Variants in TMEM74 observed in about 807,000 individuals in gnomAD.
TMEM74 encodes transmembrane protein 74.
Under a neutral mutation model 18.1 loss-of-function variants are expected in TMEM74, and 13 were observed. The ratio of observed to expected loss-of-function variants is 0.72; its 90% CI spans 0.47 to 1.14. The LOEUF (loss-of-function observed/expected upper bound fraction) is 1.14. TMEM74 is among the 50% of genes most tolerant of loss of function. The probability of loss-of-function intolerance (pLI) is 0.00; values close to 1 mark genes in which losing one functional copy is unlikely to be tolerated. For missense variants in TMEM74, 372 were observed against 375.9 expected (o/e 0.99, Z 0.09); for synonymous variants, 159 against 146.6 (o/e 1.08, Z -0.61).
chr8:108,691,605 T>C (rs1284445646), intron 1 of TMEM74, among the ~76,000 whole-genome samples: 2 of 152,046 alleles, frequency 1.3e-5, no homozygotes, highest in African/African-American at 2.4e-5. Flanking sequence ...CTACTGAGAG[T>C]GATGCAATAA....
chr8:108,768,222 T>TA (rs1814131832), intron 1 of TMEM74, among the ~76,000 whole-genome samples: 1 of 152,172 alleles, frequency 6.6e-6, no homozygotes, highest in South Asian at 2.1e-4. Flanking sequence ...GGCTAGTGAC[T>TA]AATAATTCAA....
chr8:108,762,691 T>C (rs2130663604), intron 1 of TMEM74, among the ~76,000 whole-genome samples: 1 of 152,258 alleles, frequency 6.6e-6, no homozygotes, highest in East Asian at 1.9e-4. Flanking sequence ...TTAATTCGAA[T>C]GGTACTCTTA....
downstream of TMEM74, among the ~76,000 whole-genome samples, chr8:108,778,362 AG>A (rs1193255005): frequency 6.6e-6 from 1 of 152,198 alleles, no homozygotes; most frequent in African/African-American, 2.4e-5. Flanking sequence ...ACATGTAAAA[AG>A]GTGGCTGCAT....
At chr8:108,664,590 G>A (rs1390448001) in intron 1 of TMEM74, among the ~76,000 whole-genome samples, 3 of 152,026 alleles carry the variant, frequency 2.0e-5, no homozygotes, top group Non-Finnish European at 2.9e-5. Context: ...AACAGGGAAC[G>A]TTTAACTTTA....
At chr8:108,747,568 T>G (rs1048175515) in intron 1 of TMEM74, among the ~76,000 whole-genome samples, 1 of 151,982 alleles carries the variant, frequency 6.6e-6, no homozygotes, top group African/African-American at 2.4e-5. Flanking sequence ...TTTTTTAAAT[T>G]GGCAACTTTT....
At chr8:108,657,880 A>AAT (rs1563742314) in intron 1 of TMEM74, among the ~76,000 whole-genome samples, 1 of 103,602 alleles carries the variant, frequency 9.7e-6, no homozygotes, top group Non-Finnish European at 1.9e-5. Flanking sequence ...ATATATATAT[A>AAT]TATATATATA....
chr8:108,689,181 T>C (rs1350605605), intron 1 of TMEM74, among the ~76,000 whole-genome samples: 1 of 152,164 alleles, frequency 6.6e-6, no homozygotes, highest in South Asian at 2.1e-4. Flanking sequence ...TTGGAAAAAA[T>C]TAAACTTCTG....
chr8:108,737,774 C>T (rs1246180027), intron 1 of TMEM74, among the ~76,000 whole-genome samples: 1 of 152,120 alleles, frequency 6.6e-6, no homozygotes, highest in South Asian at 2.1e-4. Context: ...ATAGCATTTA[C>T]TCAAAGCAAT....
intron 1 of TMEM74, among the ~76,000 whole-genome samples, chr8:108,746,194 G>A (rs1813847064): frequency 6.6e-6 from 1 of 152,128 alleles, no homozygotes; most frequent in Admixed American, 6.5e-5. Flanking sequence ...TTGTCCCAAG[G>A]AAAATCATTT....
intron 1 of TMEM74, among the ~76,000 whole-genome samples, chr8:108,731,064 C>T (rs1813690161): frequency 6.6e-6 from 1 of 152,042 alleles, no homozygotes; most frequent in Non-Finnish European, 1.5e-5. Flanking sequence ...TTTCTTTATT[C>T]TTTTTTATTT....
At chr8:108,687,198 A>G (rs1813178753) in intron 1 of TMEM74, among the ~76,000 whole-genome samples, 1 of 152,150 alleles carries the variant, frequency 6.6e-6, no homozygotes, top group Non-Finnish European at 1.5e-5. Flanking sequence ...AGAAAAGTGC[A>G]AGAGATTATT....
Position 108,781,202 on chromosome 8 carries a change from C to A in TMEM74, c.*2979G>T, listed in dbSNP as rs147452439. Among the ~76,000 whole-genome samples the A allele has an allele frequency of 6.6e-6, 1 of 152,222 alleles. No individual in the cohort carries two copies. Among genetic ancestry groups the A allele is most frequent in the African/African-American group, 2.4e-5 (1 of 41,564 alleles). On this transcript the variant is annotated 3_prime_UTR_variant, in exon 2 of 2. Transcript: ENST00000297459. ...TGAAATATGTTTTTCTTCTCTAGGA[C>A]TAGCAATAAAAACTTTCACAGGTAA...
intron 1 of TMEM74, among the ~76,000 whole-genome samples, chr8:108,756,798 G>GGAAGGA (rs1813980341): frequency 8.1e-6 from 1 of 123,012 alleles, no homozygotes; most frequent in African/African-American, 3.1e-5. Context: ...GAGGGAAGGG[G>GGAAGGA]AGGAAGGAAG....
intron 1 of TMEM74, among the ~76,000 whole-genome samples, chr8:108,744,756 G>C (rs1813833307): frequency 1.3e-5 from 2 of 152,146 alleles, no homozygotes; most frequent in African/African-American, 4.8e-5. Flanking sequence ...TTAGATTGTA[G>C]ACCTAAAGTT....
intron 2 of TMEM74, among the ~76,000 whole-genome samples, chr8:108,618,237 G>A (rs1477374567): frequency 1.3e-5 from 2 of 152,122 alleles, no homozygotes; most frequent in Non-Finnish European, 2.9e-5. Context: ...TATATGGAAT[G>A]GATTCTAGTG....
intron 1 of TMEM74, among the ~76,000 whole-genome samples, chr8:108,763,549 G>T (rs1204151490): frequency 6.6e-6 from 1 of 152,040 alleles, no homozygotes; most frequent in Non-Finnish European, 1.5e-5. Flanking sequence ...GATTATTTGG[G>T]AATGACCATG....
intron 2 of TMEM74, among the ~76,000 whole-genome samples, chr8:108,648,884 G>C (rs1812745944): frequency 6.6e-6 from 1 of 152,108 alleles, no homozygotes; most frequent in Non-Finnish European, 1.5e-5. Flanking sequence ...AAGTTACTAC[G>C]TTTCGGGGTG....
chr8:108,721,584 C>T (rs986429685), intron 1 of TMEM74, among the ~76,000 whole-genome samples: 2 of 152,244 alleles, frequency 1.3e-5, no homozygotes, highest in Admixed American at 1.3e-4. Context: ...TCTCAACTAA[C>T]CATCCTCACT....
intron 1 of TMEM74, among the ~76,000 whole-genome samples, chr8:108,763,517 T>C (rs1006338307): frequency 2.6e-5 from 4 of 152,168 alleles, no homozygotes; most frequent in African/African-American, 9.6e-5. Flanking sequence ...GCTTGGCATT[T>C]GAATTTAGTA....
Sources: allele counts gnomAD v4.1 joint callset (sites outside exome capture counted in the v4.1 genomes callset), GRCh38; gene constraint gnomAD v4.1.1; transcripts MANE v1.5; gene names NCBI Gene and HGNC (gene_info 2026-07-23, HGNC 2026-07-21).